The following BMP10 variants were observed in gnomAD, a reference collection of about 807,000 sequenced individuals.
BMP10 encodes bone morphogenetic protein 10.
In BMP10, 9 loss-of-function variants were observed where a neutral mutation model predicts 29.9. The ratio of observed to expected loss-of-function variants is 0.30; its 90% CI spans 0.18 to 0.53. The LOEUF is 0.53. BMP10 is among the 20% of genes least tolerant of loss of function. BMP10 has a pLI of 0.96. For missense variants in BMP10, 474 were observed against 524.3 expected (o/e 0.90, Z 0.94); for synonymous variants, 202 against 200.2 (o/e 1.01, Z -0.07).
In BMP10 at chr2:68,862,467, T is replaced by A. The variant is rs1682876324; in HGVS notation, c.*3164A>T. On this transcript the variant is annotated 3_prime_UTR_variant, in exon 2 of 2. Transcript: ENST00000295379. ...TATTTTACAAAAATAAATATATCAATCAATAAATAGTGGGAAGCCTAGAAA... is the reference window on the plus strand; with the variant it reads ...TATTTTACAAAAATAAATATATCAAACAATAAATAGTGGGAAGCCTAGAAA... Among the ~76,000 whole-genome samples the A allele has an allele frequency of 6.6e-6, 1 of 152,172 alleles. No individual in the cohort carries two copies. Among genetic ancestry groups the A allele is most frequent in the South Asian group, 2.1e-4 (1 of 4,830 alleles).
At position 68,871,115 on chromosome 2, in the gene BMP10, G is replaced by A. The variant is rs768763259; in HGVS notation, c.244C>T (p.Pro82Ser). 2 of 1,614,176 alleles carry A rather than the reference G, an allele frequency of 1.2e-6. No individual in the cohort carries two copies. Among genetic ancestry groups the A allele is most frequent in the East Asian group, 2.2e-5 (1 of 44,888 alleles). The change falls in exon 1 of 2, where the codon CCA becomes TCA. Residue 82 changes from proline to serine, a missense_variant. Pro to Ser is a moderately conservative substitution (Grantham distance 74). Coordinates refer to ENST00000295379, the MANE Select transcript of BMP10 (RefSeq NM_014482.3). ...PTQDSAKVDPPEYMLELYNKF... is the reference protein window; with the variant it reads ...PTQDSAKVDPSEYMLELYNKF... ...TTGTAGAGTTCCAACATGTACTCTG[G>A]TGGGTCCACCTTGGCTGAATCCTGC...
At chr2:68,868,367 C>G (rs1367408424) in intron 1 of BMP10, among the ~76,000 whole-genome samples, 1 of 152,118 alleles carries the variant, frequency 6.6e-6, no homozygotes, top group African/African-American at 2.4e-5. Context: ...CCCTCCTCTC[C>G]CCTCTGAAAT....
chr2:68,866,331 T>C lies in BMP10; in HGVS notation c.575A>G (p.Tyr192Cys). 6.2e-7 allele frequency: 1 copy of C among 1,614,008 alleles called. No individual in the cohort carries two copies. The highest frequency in any genetic ancestry group is 2.2e-5 in the East Asian group (1 of 44,868). ...NMLVLVSGEI[Y>C]GTNSEWETFD... ...AGTCTCCCACTCACTGTTGGTTCCA[T>C]ATATCTCCCCAGACACCAAGACCAG... is the stretch of plus-strand genomic sequence containing the variant. Residue 192 changes from tyrosine to cysteine, a missense_variant, in exon 2 of 2, where the codon TAT (tyrosine) becomes TGT (cysteine). By Grantham distance (194) the Tyr-to-Cys change is radical. This residue lies in a region of BMP10 where 408 missense variants were observed against 415.3 expected (regional missense o/e 0.98). Transcript: ENST00000295379.
At chr2:68,867,558 C>T (rs566783868) in intron 1 of BMP10, among the ~76,000 whole-genome samples, 6 of 152,306 alleles carry the variant, frequency 3.9e-5, no homozygotes, top group African/African-American at 9.6e-5. Context: ...CTTCCAAATA[C>T]GATCATGTTG....
chr2:68,871,378 G>A lies in BMP10; in HGVS notation c.-20C>T, dbSNP rs773762139. On this transcript the variant is annotated 5_prime_UTR_variant, in exon 1 of 2. Coordinates refer to ENST00000295379, the MANE Select transcript of BMP10 (RefSeq NM_014482.3). ...GCCCATGACTCCGCTCGAGCTCCTA[G>A]GCCAAGCCAGGAAGGTTTAGCTTCC... is the stretch of plus-strand genomic sequence containing the variant. 6.2e-7 allele frequency: 1 copy of A among 1,605,784 alleles called. No individual in the cohort carries two copies.
chr2:68,869,788 G>T (rs1404237598), intron 1 of BMP10, among the ~76,000 whole-genome samples: 3 of 152,130 alleles, frequency 2.0e-5, no homozygotes, highest in Non-Finnish European at 4.4e-5. Flanking sequence ...ATTTTAAAGG[G>T]AGATAATATC....
At position 68,866,495 on chromosome 2, in the gene BMP10, A is replaced by T; in HGVS notation, c.411T>A (p.His137Gln). 6.2e-7 allele frequency: 1 copy of T among 1,613,922 alleles called. No homozygotes were observed. The highest frequency in any genetic ancestry group is 1.3e-5 in the African/African-American group (1 of 74,994). The change falls in exon 2 of 2, where the codon CAT (histidine) becomes CAA (glutamine). Residue 137 changes from histidine (H) to glutamine (Q), a missense_variant. Transcript: ENST00000295379. ...TAAGTTCAGCCATGATGACCTCTTC[A>T]TGGTGAGGAATGGACACATTGAAGA... is the stretch of plus-strand genomic sequence containing the variant. ...PLLFNVSIPH[H>Q]EEVIMAELRL...
At chr2:68,870,646 A>G (rs1224855999) in intron 1 of BMP10, among the ~76,000 whole-genome samples, 2 of 152,196 alleles carry the variant, frequency 1.3e-5, no homozygotes, top group Non-Finnish European at 1.5e-5. Flanking sequence ...AAGTTGAGAA[A>G]TTTTTTAGTT....
Position 68,862,927 on chromosome 2 carries a change from T to C in BMP10, c.*2704A>G, listed in dbSNP as rs75394167. Among the ~76,000 whole-genome samples, 7,917 of 152,320 alleles carry C rather than the reference T, an allele frequency of 0.052. 249 individuals are homozygous for C. Among genetic ancestry groups the C allele is most frequent in the East Asian group, 0.12 (639 of 5,184 alleles). ...ATCTGGATGGGCAGAAAGAAACAAC[T>C]GGGCTATGCAGCCTGATCGCCAACA... On this transcript the variant is annotated 3_prime_UTR_variant, in exon 2 of 2. Transcript: ENST00000295379.
chr2:68,866,546 A>G lies in BMP10; in HGVS notation c.360T>C (p.Phe120=), dbSNP rs771275670. The stretch of plus-strand genomic sequence containing the variant: ...GGAGGGGGTATTTTCGGAGCCCATT[A>G]AAACTGACCGGCTGGGAAAACAGAT... ...NEDLFSQPVS[F]NGLRKYPLLF... Residue 120 remains phenylalanine, a synonymous_variant, in exon 2 of 2, where the codon TTT becomes TTC. Coordinates refer to ENST00000295379, the MANE Select transcript of BMP10 (RefSeq NM_014482.3). 1 of 1,611,136 alleles carries G rather than the reference A, an allele frequency of 6.2e-7. No homozygotes were observed. The highest frequency in any genetic ancestry group is 1.7e-5 in the Admixed American group (1 of 59,916).
chr2:68,865,240 AC>A lies in BMP10; in HGVS notation c.*390del, dbSNP rs1259375928. Among the ~76,000 whole-genome samples, 1 of 152,242 alleles carries A rather than the reference AC, an allele frequency of 6.6e-6. No homozygotes were observed. The highest frequency in any genetic ancestry group is 1.5e-5 in the Non-Finnish European group (1 of 68,040). Reference sequence around the variant, plus strand: ...TCAGAGAAGAGGTAACAGAGAACATACCATTGGCCTTTAATATGCATACATT... The same window carrying A: ...TCAGAGAAGAGGTAACAGAGAACATACATTGGCCTTTAATATGCATACATT... On this transcript the variant is annotated 3_prime_UTR_variant, in exon 2 of 2. Coordinates refer to ENST00000295379, the MANE Select transcript of BMP10 (RefSeq NM_014482.3). The surrounding 1 kb of genome is among the most constrained non-coding windows in gnomAD (Gnocchi z 4.7).
intron 1 of BMP10, among the ~76,000 whole-genome samples, chr2:68,870,505 A>C (rs572264709): frequency 3.2e-4 from 48 of 152,358 alleles, no homozygotes; most frequent in African/African-American, 8.4e-4. Context: ...AGAATCTTTA[A>C]AATATATTTC....
intron 1 of BMP10, 126 bp from the exon 2 acceptor site, chr2:68,866,697 T>G: frequency 1.4e-6 from 1 of 712,648 alleles, no homozygotes; most frequent in Non-Finnish European, 2.3e-6. Flanking sequence ...AGGGAGAAAA[T>G]CAATGAGAAC....
At position 68,865,690 on chromosome 2, in the gene BMP10, C is replaced by A; in HGVS notation, c.1216G>T (p.Val406Phe). The A allele has an allele frequency of 6.2e-7, 1 of 1,614,086 alleles. No individual in the cohort carries two copies. Among genetic ancestry groups the A allele is most frequent in the East Asian group, 2.2e-5 (1 of 44,874 alleles). Residue 406 changes from valine to phenylalanine, a missense_variant, in exon 2 of 2, where the codon GTC (valine) becomes TTC (phenylalanine). This residue lies in a region of BMP10 where 66 missense variants were observed against 109.0 expected (regional missense o/e 0.61). Transcript: ENST00000295379. This position sits in a 1 kb window ranked among gnomAD's most constrained non-coding sequence, Gnocchi z 4.7. ...PISILYLDKG[V>F]VTYKFKYEGM... ...TCGTATTTAAACTTGTAGGTGACGA[C>A]GCCTTTGTCTAAATAGAGGATGGAG...
chr2:68,868,602 G>T (rs1212636421), intron 1 of BMP10, among the ~76,000 whole-genome samples: 1 of 152,152 alleles, frequency 6.6e-6, no homozygotes. Context: ...TTGATTTATG[G>T]GCGTGACATA....
intron 1 of BMP10, 135 bp from the exon 2 acceptor site, chr2:68,866,706 A>C: frequency 1.4e-6 from 1 of 699,698 alleles, no homozygotes; most frequent in Non-Finnish European, 2.3e-6. Context: ...ATCAATGAGA[A>C]CAAACACAAT....
rs138375395 is a variant in BMP10 at position 68,861,630 on chromosome 2, C to T, written c.*4001G>A. Among the ~76,000 whole-genome samples, 12 of 152,288 alleles carry T rather than the reference C, an allele frequency of 7.9e-5. No homozygotes were observed. In the East Asian group the frequency reaches 2.1e-3, roughly 27 times the overall value. ...CTACAACCTTAAAAAGGGCAACATC[C>T]CTTCTGTGTTCTAGGCAAGTTAAAA... On this transcript the variant is annotated 3_prime_UTR_variant, in exon 2 of 2. Coordinates refer to ENST00000295379, the MANE Select transcript of BMP10 (RefSeq NM_014482.3).
In BMP10 at chr2:68,865,648, C is replaced by T. The variant is rs1372582750; in HGVS notation, c.1258G>A (p.Glu420Lys). The change falls in exon 2 of 2, where the codon GAA (glutamate) becomes AAA (lysine). Residue 420 changes from glutamate to lysine, a missense_variant. By Grantham distance (56) the Glu-to-Lys change is moderately conservative. Transcript: ENST00000295379. This position sits in a 1 kb window ranked among gnomAD's most constrained non-coding sequence, Gnocchi z 4.7. ...KFKYEGMAVS[E>K]CGCR Reference sequence around the variant, plus strand: ...CTCTTCTTCTATCTACAGCCACATTCGGAGACGGCCATGCCTTCGTATTTA... The same window carrying T: ...CTCTTCTTCTATCTACAGCCACATTTGGAGACGGCCATGCCTTCGTATTTA... 1.9e-6 allele frequency: 3 copies of T among 1,613,844 alleles called. No homozygotes were observed. Among genetic ancestry groups the T allele is most frequent in the Non-Finnish European group, 1.7e-6 (2 of 1,179,812 alleles).
At position 68,866,488 on chromosome 2, in the gene BMP10, C is replaced by A. The variant is rs1295683963; in HGVS notation, c.418G>T (p.Val140Phe). The A allele has an allele frequency of 6.2e-7, 1 of 1,613,762 alleles. No individual in the cohort carries two copies. Among genetic ancestry groups the A allele is most frequent in the African/African-American group, 1.3e-5 (1 of 74,850 alleles). Reference sequence around the variant, plus strand: ...TATAGCCTAAGTTCAGCCATGATGACCTCTTCATGGTGAGGAATGGACACA... The same window carrying A: ...TATAGCCTAAGTTCAGCCATGATGAACTCTTCATGGTGAGGAATGGACACA... ...FNVSIPHHEE[V>F]IMAELRLYTL... The change falls in exon 2 of 2, where the codon GTC becomes TTC. Residue 140 changes from valine to phenylalanine, a missense_variant. Val to Phe is a conservative substitution (Grantham distance 50). Transcript: ENST00000295379.
Sources: gnomAD v4.1 joint callset for allele counts (sites outside exome capture counted in the v4.1 genomes callset) on GRCh38, gnomAD v4.1.1 for gene constraint, gnomAD v4.1.1 regional missense constraint, Gnocchi (gnomAD v3.1) non-coding constraint, MANE v1.5 for transcripts, NCBI Gene and HGNC (gene_info 2026-07-23, HGNC 2026-07-21) for gene names.